Variants in ARNT observed in about 807,000 individuals in gnomAD.
ARNT encodes class E basic helix-loop-helix protein 2.
In ARNT, 30 loss-of-function variants were observed where a neutral mutation model predicts 105.0. That is an observed-to-expected ratio of 0.29 (90% CI 0.21 to 0.39). The LOEUF is 0.39. ARNT is among the 10% of genes least tolerant of loss of function. The pLI, the probability that ARNT is intolerant of heterozygous loss-of-function variation, is 1.00. For missense variants in ARNT, 748 were observed against 978.7 expected (o/e 0.76, Z 3.15); for synonymous variants, 304 against 344.0 (o/e 0.88, Z 1.29).
rs965616497 is a variant in ARNT, at chr1:150,832,263, G to T, written c.869+71C>A. 23 of 1,519,310 alleles carry T rather than the reference G, an allele frequency of 1.5e-5. No homozygotes were observed. The African/African-American group carries it at 3.2e-4, about 21-fold the overall frequency. 94.1% of individuals were successfully genotyped at this position (1,519,310 alleles called of 1,614,324 possible). ...GCTGCTGAAGGAACGACTACAGTAA[G>T]ACAGGTAAAAATGTGATGATCTCTG... On this transcript the variant is annotated intron_variant, in intron 9 of 21. Transcript: ENST00000358595.
At chr1:150,831,050 C>T (rs1414808565) in intron 10 of ARNT, among the ~76,000 whole-genome samples, 2 of 152,174 alleles carry the variant, frequency 1.3e-5, no homozygotes, top group Non-Finnish European at 2.9e-5. Context: ...GATGTACTAA[C>T]TCTGAATTAC....
At chr1:150,819,622 T>C (rs1656652290) in intron 14 of ARNT, among the ~76,000 whole-genome samples, 1 of 152,188 alleles carries the variant, frequency 6.6e-6, no homozygotes, top group East Asian at 1.9e-4. Context: ...CATGTATCAG[T>C]ACAGATAACC....
chr1:150,867,768 C>T (rs916596682), intron 1 of ARNT, among the ~76,000 whole-genome samples: 2 of 151,938 alleles, frequency 1.3e-5, no homozygotes, highest in Non-Finnish European at 1.5e-5. Flanking sequence ...AGCACCATTC[C>T]CCTAATGCTC....
chr1:150,817,841 C>G, intron 15 of ARNT, 79 bp downstream of exon 15: 1 of 1,201,636 alleles, frequency 8.3e-7, no homozygotes, highest in Non-Finnish European at 1.2e-6. Flanking sequence ...ATTAACCAAC[C>G]GAACAAAAAA....
intron 1 of ARNT, among the ~76,000 whole-genome samples, chr1:150,873,278 G>C (rs1366382694): frequency 6.7e-6 from 1 of 148,856 alleles, no homozygotes; most frequent in Non-Finnish European, 1.5e-5. Flanking sequence ...GACAGAGTGA[G>C]ACTCTGTCTC....
At chr1:150,867,571 A>C (rs1434864885) in intron 1 of ARNT, among the ~76,000 whole-genome samples, 1 of 152,112 alleles carries the variant, frequency 6.6e-6, no homozygotes, top group Admixed American at 6.6e-5. Flanking sequence ...AAATATAGGA[A>C]AGTAGTTTAT....
chr1:150,873,679 G>A (rs1667817637), intron 1 of ARNT, among the ~76,000 whole-genome samples: 1 of 152,124 alleles, frequency 6.6e-6, no homozygotes, highest in South Asian at 2.1e-4. Context: ...AGCAGTTTAG[G>A]AGGCTAAGGT....
chr1:150,865,794 C>G (rs1666470644), intron 1 of ARNT, among the ~76,000 whole-genome samples: 1 of 152,140 alleles, frequency 6.6e-6, no homozygotes, highest in African/African-American at 2.4e-5. Flanking sequence ...TATTTCGTAT[C>G]TCCACTTTCT....
At chr1:150,812,220 T>C in intron 21 of ARNT, 110 bp from the exon 22 acceptor site, 1 of 714,964 alleles carries the variant, frequency 1.4e-6, no homozygotes, top group Non-Finnish European at 2.1e-6. Context: ...GAGTCTTTGC[T>C]GTGCTGAGCT....
intron 3 of ARNT, among the ~76,000 whole-genome samples, chr1:150,846,551 G>C (rs2102054488): frequency 6.6e-6 from 1 of 152,096 alleles, no homozygotes; most frequent in African/African-American, 2.4e-5. Context: ...ATGATCTAAT[G>C]ACAACACAGC....
In ARNT at chr1:150,876,595, A is replaced by ACCCC; in HGVS notation, c.-32_-29dup. The ACCCC allele has an allele frequency of 7.3e-7, 1 of 1,366,910 alleles. No individual in the cohort carries two copies. Among genetic ancestry groups the ACCCC allele is most frequent in the East Asian group, 2.7e-5 (1 of 37,596 alleles). 84.7% of individuals were successfully genotyped at this position (1,366,910 alleles called of 1,614,324 possible). On this transcript the variant is annotated 5_prime_UTR_variant, in exon 1 of 22. Coordinates refer to ENST00000358595, the MANE Select transcript of ARNT (RefSeq NM_001668.4). ...CCGCAGATGCCACCGCCGCCGCGCC[A>ACCCC]CCCCCCCCCCCAGTGGGAGGAGCCG...
chr1:150,846,907 A>G (rs1662321059), intron 3 of ARNT, among the ~76,000 whole-genome samples: 1 of 152,322 alleles, frequency 6.6e-6, no homozygotes, highest in East Asian at 1.9e-4. Flanking sequence ...TTTCAGTATA[A>G]TGTCCTTAAG....
chr1:150,819,016 ACT>A (rs1373159214), intron 14 of ARNT, among the ~76,000 whole-genome samples: 3 of 152,042 alleles, frequency 2.0e-5, no homozygotes, highest in African/African-American at 7.3e-5. Flanking sequence ...AACTCAATCC[ACT>A]CTGTTATACT....
chr1:150,864,095 C>G (rs1666128625), intron 1 of ARNT, among the ~76,000 whole-genome samples: 1 of 152,242 alleles, frequency 6.6e-6, no homozygotes, highest in East Asian at 1.9e-4. Flanking sequence ...TACTCCCAAC[C>G]TGTACAACAT....
intron 3 of ARNT, among the ~76,000 whole-genome samples, chr1:150,850,553 G>C (rs1318284062): frequency 6.6e-6 from 1 of 152,222 alleles, no homozygotes; most frequent in African/African-American, 2.4e-5. Flanking sequence ...CGAGGTGCCG[G>C]GATTGCAGAC....
At chr1:150,841,122 T>A (rs997888764) in intron 5 of ARNT, among the ~76,000 whole-genome samples, 1 of 151,246 alleles carries the variant, frequency 6.6e-6, no homozygotes, top group Non-Finnish European at 1.5e-5. Flanking sequence ...TTTTTTTTTT[T>A]TTTATTTTTA....
chr1:150,859,290 CTCCT>C (rs1199919718), intron 1 of ARNT, among the ~76,000 whole-genome samples: 6 of 150,774 alleles, frequency 4.0e-5, no homozygotes, highest in African/African-American at 1.5e-4. Context: ...CCTCTCCTCT[CTCCT>C]TCCAATTCAA....
chr1:150,829,174 C>T lies in ARNT; in HGVS notation c.1086G>A (p.Glu362=). 1 of 1,614,122 alleles carries T rather than the reference C, an allele frequency of 6.2e-7. No homozygotes were observed. Among genetic ancestry groups the T allele is most frequent in the South Asian group, 1.1e-5 (1 of 91,084 alleles). ...TDMSNVCQPT[E]FISRHNIEGI... is the part of the protein sequence containing the mutation. ...CCTCAATGTTGTGTCGGGAGATGAA[C>T]TCTGTTGGTTGACAAACATTACTCA... Residue 362 remains glutamate, a synonymous_variant, in exon 12 of 22, where the codon GAG becomes GAA. Transcript: ENST00000358595.
At chr1:150,849,791 A>G (rs1223848516) in intron 3 of ARNT, among the ~76,000 whole-genome samples, 2 of 152,124 alleles carry the variant, frequency 1.3e-5, no homozygotes, top group Non-Finnish European at 2.9e-5. Flanking sequence ...TAGGCTGGAC[A>G]TGGTGGCTTA....
Sources: allele counts gnomAD v4.1 joint callset (sites outside exome capture counted in the v4.1 genomes callset), GRCh38; gene constraint gnomAD v4.1.1; transcripts MANE v1.5; gene names NCBI Gene and HGNC (gene_info 2026-07-23, HGNC 2026-07-21).